MALRD1: variants seen among roughly 807,000 people sequenced by gnomAD.
The protein encoded by MALRD1 is MAM and LDL receptor class A domain containing 1.
Under a neutral mutation model 242.1 loss-of-function variants are expected in MALRD1, and 247 were observed. The ratio of observed to expected loss-of-function variants is 1.02; its 90% CI spans 0.92 to 1.13. The LOEUF (loss-of-function observed/expected upper bound fraction) is 1.13, where lower values mean the gene tolerates loss of function less well. Ranked by LOEUF, MALRD1 falls within the 50% of genes most tolerant of loss-of-function variation. The probability of loss-of-function intolerance (pLI) is 0.00; values close to 1 mark genes in which losing one functional copy is unlikely to be tolerated. For missense variants in MALRD1, 2,989 were observed against 2,533.1 expected (o/e 1.18, Z -3.86); for synonymous variants, 995 against 866.6 (o/e 1.15, Z -2.60).
At chr10:19,231,357 T>A (rs1342894197) in intron 18 of MALRD1, among the ~76,000 whole-genome samples, 1 of 152,164 alleles carries the variant, frequency 6.6e-6, no homozygotes, top group Non-Finnish European at 1.5e-5. Flanking sequence ...TCTACACAAA[T>A]CTCTATCTCA....
At chr10:19,399,185 C>T (rs1846718715) in intron 28 of MALRD1, among the ~76,000 whole-genome samples, 1 of 152,198 alleles carries the variant, frequency 6.6e-6, no homozygotes, top group Non-Finnish European at 1.5e-5. Context: ...GTAGGTTCAA[C>T]TGCTGTGCAC....
intron 1 of MALRD1, among the ~76,000 whole-genome samples, chr10:19,057,676 T>C (rs985024875): frequency 2.0e-5 from 3 of 152,200 alleles, no homozygotes; most frequent in African/African-American, 7.2e-5. Context: ...CTTAATGGGA[T>C]GTTTCAATGG....
At chr10:19,292,892 CAAAAAAAAAAA>C (rs57002523) in intron 21 of MALRD1, among the ~76,000 whole-genome samples, 1 of 72,860 alleles carries the variant, frequency 1.4e-5, no homozygotes, top group Non-Finnish European at 2.6e-5. Context: ...GACTCTGCCT[CAAAAAAAAAAA>C]AAAAAAAAAA....
intron 21 of MALRD1, among the ~76,000 whole-genome samples, chr10:19,284,654 T>A (rs376973460): frequency 1.4e-5 from 2 of 142,504 alleles, no homozygotes; most frequent in Non-Finnish European, 1.5e-5. Flanking sequence ...TCTATCATTG[T>A]TGGACATTTG....
intron 4 of MALRD1, among the ~76,000 whole-genome samples, chr10:19,098,238 G>A (rs1210356077): frequency 2.0e-5 from 3 of 152,100 alleles, no homozygotes; most frequent in Non-Finnish European, 4.4e-5. Flanking sequence ...TAATTTTCAC[G>A]TTGAATGTCT....
chr10:19,593,652 G>A (rs193251522), intron 33 of MALRD1, among the ~76,000 whole-genome samples: 12 of 152,196 alleles, frequency 7.9e-5, no homozygotes, highest in African/African-American at 2.6e-4. Context: ...AATTAGTTCC[G>A]TTCTATATGT....
At chr10:19,425,048 C>G (rs563390846) in intron 28 of MALRD1, among the ~76,000 whole-genome samples, 48 of 152,168 alleles carry the variant, frequency 3.2e-4, no homozygotes, top group Middle Eastern at 3.4e-3. Flanking sequence ...TTGGATTTGC[C>G]TTTTAAAATA....
chr10:19,264,643 C>T (rs572201751), intron 19 of MALRD1, among the ~76,000 whole-genome samples: 10 of 151,926 alleles, frequency 6.6e-5, no homozygotes, highest in South Asian at 6.2e-4. Flanking sequence ...TTCGTAGATC[C>T]GGGGTTTCAC....
At chr10:19,066,681 C>T in intron 1 of MALRD1, 38 bp from the exon 2 acceptor site, 3 of 1,229,494 alleles carry the variant, frequency 2.4e-6, no homozygotes, top group Non-Finnish European at 3.0e-6. Context: ...AAAAGCTAAA[C>T]ACAGTTGTGA....
intron 21 of MALRD1, among the ~76,000 whole-genome samples, chr10:19,315,968 C>T (rs1842689941): frequency 6.7e-6 from 1 of 150,318 alleles, no homozygotes. Context: ...TTTACTCAGA[C>T]ATCCACATAT....
chr10:19,211,684 CAAAAAAAAAAAAAAAA>C (rs71387056), intron 18 of MALRD1, among the ~76,000 whole-genome samples: 1 of 67,324 alleles, frequency 1.5e-5, no homozygotes, highest in Non-Finnish European at 2.5e-5. Context: ...TGACTCCTCA[CAAAAAAAAAAAAAAAA>C]AAAAAAAAAA....
chr10:19,601,711 T>G (rs1410509031), intron 34 of MALRD1, among the ~76,000 whole-genome samples: 1 of 152,036 alleles, frequency 6.6e-6, no homozygotes, highest in Non-Finnish European at 1.5e-5. Context: ...GAGCTCTTTA[T>G]TGAACAGTCA....
At chr10:19,673,167 G>T (rs1322459654) in intron 36 of MALRD1, among the ~76,000 whole-genome samples, 1 of 152,042 alleles carries the variant, frequency 6.6e-6, no homozygotes, top group East Asian at 1.9e-4. Flanking sequence ...CAGATCCCGA[G>T]GTCAGGAGAT....
chr10:19,454,870 A>G (rs903867191), intron 29 of MALRD1, among the ~76,000 whole-genome samples: 4 of 152,116 alleles, frequency 2.6e-5, no homozygotes, highest in African/African-American at 4.8e-5. Context: ...TTACAACTCA[A>G]TTTATTAGAT....
intron 28 of MALRD1, among the ~76,000 whole-genome samples, chr10:19,414,344 A>C (rs1484240770): frequency 6.6e-6 from 1 of 152,204 alleles, no homozygotes; most frequent in African/African-American, 2.4e-5. Context: ...CTATGTGATA[A>C]ATTTTAAAAA....
At chr10:19,660,065 G>T (rs142036816) in intron 36 of MALRD1, among the ~76,000 whole-genome samples, 2,318 of 152,174 alleles carry the variant, frequency 0.015, 165 homozygotes, top group Admixed American at 0.11. Flanking sequence ...TTTCTCTCTG[G>T]GGGTTTATTC....
At chr10:19,405,694 C>T (rs1406464959) in intron 28 of MALRD1, among the ~76,000 whole-genome samples, 2 of 152,118 alleles carry the variant, frequency 1.3e-5, no homozygotes, top group African/African-American at 2.4e-5. Context: ...AGATATCAAA[C>T]TTTCACACAT....
chr10:19,519,234 A>G (rs900580118), intron 31 of MALRD1, among the ~76,000 whole-genome samples: 8 of 152,208 alleles, frequency 5.3e-5, no homozygotes, highest in African/African-American at 1.9e-4. Flanking sequence ...GCATTTATTT[A>G]CACTATGAAT....
At chr10:19,503,182 G>A (rs975874426) in intron 31 of MALRD1, among the ~76,000 whole-genome samples, 4 of 152,036 alleles carry the variant, frequency 2.6e-5, no homozygotes, top group Non-Finnish European at 5.9e-5. Context: ...ACACTAATAC[G>A]GCTGAGTGAG....
Sources: gnomAD v4.1 joint callset for allele counts (sites outside exome capture counted in the v4.1 genomes callset) on GRCh38, gnomAD v4.1.1 for gene constraint, MANE v1.5 for transcripts, NCBI Gene and HGNC (gene_info 2026-07-23, HGNC 2026-07-21) for gene names.